Variants in FMO1 observed in about 807,000 individuals in gnomAD.
FMO1 encodes the protein flavin containing dimethylaniline monoxygenase 1, also known as flavin-containing monooxygenase 1.
A neutral mutation model predicts 45.4 loss-of-function variants in FMO1; 36 were observed. The ratio of observed to expected loss-of-function variants is 0.79; its 90% CI spans 0.61 to 1.05. FMO1 has a LOEUF of 1.05. FMO1 is among the 50% of genes least tolerant of loss of function. The pLI, the probability that FMO1 is intolerant of heterozygous loss-of-function variation, is 0.00. For synonymous variants in FMO1, 228 were observed against 227.2 expected, an observed-to-expected ratio of 1.00 and a Z score of -0.03; for missense variants, 615 against 640.3, an observed-to-expected ratio of 0.96 and a Z score of 0.43.
At chr1:171,253,618 A>T (rs1660003502) in intron 1 of FMO1, among the ~76,000 whole-genome samples, 1 of 152,116 alleles carries the variant, frequency 6.6e-6, no homozygotes, top group Non-Finnish European at 1.5e-5. Flanking sequence ...AAAAGTAGCC[A>T]GACGTGGTGG....
intron 6 of FMO1, 24 bp downstream of exon 6, chr1:171,281,009 G>A (rs1011055943): frequency 6.2e-7 from 1 of 1,604,362 alleles, no homozygotes; most frequent in Non-Finnish European, 8.5e-7. Context: ...GACTGCCAAG[G>A]GCTTTTAGGA....
chr1:171,278,926 G>T, intron 5 of FMO1, 55 bp downstream of exon 5: 3 of 1,422,724 alleles, frequency 2.1e-6, no homozygotes, highest in Non-Finnish European at 2.9e-6. Context: ...CATGCCTCAA[G>T]CAAATGGTGT....
chr1:171,273,044 G>C (rs1410712057), intron 3 of FMO1, among the ~76,000 whole-genome samples: 2 of 152,214 alleles, frequency 1.3e-5, no homozygotes, highest in Non-Finnish European at 2.9e-5. Context: ...GAGGGGTCCA[G>C]TGGGAGGTAA....
chr1:171,285,157 A>G (rs1248069346), intron 8 of FMO1, 45 bp from the exon 9 acceptor site: 1 of 1,275,776 alleles, frequency 7.8e-7, no homozygotes, highest in Non-Finnish European at 1.1e-6. Context: ...TAAGATTATC[A>G]GTTTTTTTGT....
At chr1:171,283,391 A>C (rs1661476823) in intron 8 of FMO1, among the ~76,000 whole-genome samples, 175 bp downstream of exon 8, 1 of 151,592 alleles carries the variant, frequency 6.6e-6, no homozygotes, top group Non-Finnish European at 1.5e-5. Context: ...AAATACTAGG[A>C]GAGCCTGTTT....
At chr1:171,250,984 A>G (rs1160514026) in intron 1 of FMO1, among the ~76,000 whole-genome samples, 1 of 152,220 alleles carries the variant, frequency 6.6e-6, no homozygotes, top group Non-Finnish European at 1.5e-5. Flanking sequence ...GAAGGCCGAG[A>G]AGTTTGCATA....
At chr1:171,251,293 G>A (rs1056939738) in intron 1 of FMO1, among the ~76,000 whole-genome samples, 3 of 152,212 alleles carry the variant, frequency 2.0e-5, no homozygotes, top group Non-Finnish European at 4.4e-5. Flanking sequence ...TCAGCAGGGA[G>A]CCTGTAAGTG....
intron 3 of FMO1, chr1:171,271,457 T>C (rs1393742385): frequency 1.4e-5 from 14 of 993,524 alleles, no homozygotes; most frequent in Non-Finnish European, 2.3e-5. Flanking sequence ...TCTCTGAGCC[T>C]TTCTTAGAAA....
At chr1:171,253,145 G>A (rs370961181) in intron 1 of FMO1, among the ~76,000 whole-genome samples, 5 of 152,104 alleles carry the variant, frequency 3.3e-5, no homozygotes, top group Admixed American at 6.6e-5. Flanking sequence ...CTTTGAAACC[G>A]ACTTTGTGTC....
intron 3 of FMO1, among the ~76,000 whole-genome samples, chr1:171,273,512 A>G (rs1660961886): frequency 6.6e-6 from 1 of 151,148 alleles, no homozygotes; most frequent in Non-Finnish European, 1.5e-5. Context: ...GACCTTTTTT[A>G]TTTTGTTGTT....
At chr1:171,282,363 T>G in intron 7 of FMO1, 30 bp downstream of exon 7, 1 of 1,460,504 alleles carries the variant, frequency 6.8e-7, no homozygotes, top group Non-Finnish European at 9.5e-7. Context: ...GGGCATGTGT[T>G]TTTGGTGTGC....
At chr1:171,256,187 G>A (rs1025410690) in intron 1 of FMO1, among the ~76,000 whole-genome samples, 1 of 148,892 alleles carries the variant, frequency 6.7e-6, no homozygotes, top group African/African-American at 2.5e-5. Context: ...GCAGGAGAAT[G>A]GTGTGAACCT....
intron 1 of FMO1, among the ~76,000 whole-genome samples, chr1:171,249,831 C>T (rs989582868): frequency 1.3e-5 from 2 of 152,090 alleles, no homozygotes; most frequent in African/African-American, 4.8e-5. Context: ...AGGTGAGTCA[C>T]ACTGGAAACA....
Position 171,258,120 on chromosome 1 carries a change from G to A in FMO1, c.33G>A (p.Gly11=). Residue 11 remains glycine (G), a synonymous_variant, in exon 2 of 9, where the codon GGG becomes GGA. Coordinates refer to ENST00000617670, the MANE Select transcript of FMO1 (RefSeq NM_001282693.2). ...AGCGAGTTGCCATTGTGGGAGCTGGGGTCAGCGGCCTGGCCTCCATCAAGT... is the reference window on the plus strand; with the variant it reads ...AGCGAGTTGCCATTGTGGGAGCTGGAGTCAGCGGCCTGGCCTCCATCAAGT... MAKRVAIVGA[G]VSGLASIKCC... 3 of 1,614,176 alleles carry A rather than the reference G, an allele frequency of 1.9e-6. No homozygotes were observed. Among genetic ancestry groups the A allele is most frequent in the Non-Finnish European group, 2.5e-6 (3 of 1,180,028 alleles).
At chr1:171,264,966 CAT>C (rs1214679629) in intron 2 of FMO1, among the ~76,000 whole-genome samples, 3 of 152,082 alleles carry the variant, frequency 2.0e-5, no homozygotes, top group African/African-American at 4.8e-5. Flanking sequence ...TCAGCATCCA[CAT>C]GTTTGTTAGA....
rs1249276968 is a variant in FMO1 at position 171,282,146 on chromosome 1, A to G, written c.996A>G (p.Thr332=). Residue 332 remains threonine, a synonymous_variant, in exon 7 of 9, where the codon ACA becomes ACG. Coordinates refer to ENST00000617670, the MANE Select transcript of FMO1 (RefSeq NM_001282693.2). Reference sequence around the variant, plus strand: ...TCATTGTCTTTGCCACTGGATACACATTTGCTTTCCCCTTCCTTGATGAGT... The same window carrying G: ...TCATTGTCTTTGCCACTGGATACACGTTTGCTTTCCCCTTCCTTGATGAGT... The part of the protein sequence containing the change: ...IDIIVFATGY[T]FAFPFLDESV... The G allele has an allele frequency of 1.2e-6, 2 of 1,614,018 alleles. No individual in the cohort carries two copies.
Position 171,280,814 on chromosome 1 carries a change from G to A in FMO1, c.656G>A (p.Trp219Ter). 1 of 1,613,210 alleles carries A rather than the reference G, an allele frequency of 6.2e-7. No homozygotes were observed. Among genetic ancestry groups the A allele is most frequent in the South Asian group, 1.1e-5 (1 of 91,046 alleles). Residue 219 changes from tryptophan (W) to a stop codon, truncating the protein, a stop_gained, in exon 6 of 9, where the codon TGG (tryptophan) becomes TAG (stop). Coordinates refer to ENST00000617670, the MANE Select transcript of FMO1 (RefSeq NM_001282693.2). LOFTEE classifies it high-confidence loss of function. Reference protein sequence around the residue: ...KVFLSTTGGGWVISRIFDSGY... With the variant: ...KVFLSTTGGG ...TTCCTCAGCACCACCGGAGGGGGAT[G>A]GGTGATCAGCCGAATCTTTGACTCG...
chr1:171,281,032 T>C (rs1409639052), intron 6 of FMO1, 47 bp downstream of exon 6: 3 of 1,525,690 alleles, frequency 2.0e-6, no homozygotes, highest in Non-Finnish European at 2.7e-6. Flanking sequence ...AAGGAGCCTC[T>C]GCCTGTCCAG....
chr1:171,278,879 C>G lies in FMO1; in HGVS notation c.627+8C>G, dbSNP rs371512929. ...AGCCACCTGGCGGAAAAGGTACATT[C>G]CTGATGTTACTGGGTGAAGAGCTTT... On this transcript the variant is annotated splice_region_variant and intron_variant, in intron 5 of 8. Transcript: ENST00000617670. 49 of 1,596,870 alleles carry G rather than the reference C, an allele frequency of 3.1e-5. No individual in the cohort carries two copies. The African/African-American group carries it at 5.4e-4, about 17-fold the overall frequency.
Sources: gnomAD v4.1 joint callset for allele counts (sites outside exome capture counted in the v4.1 genomes callset) on GRCh38, gnomAD v4.1.1 for gene constraint, MANE v1.5 for transcripts, NCBI Gene and HGNC (gene_info 2026-07-23, HGNC 2026-07-21) for gene names.